CREB5: variants seen among roughly 807,000 people sequenced by gnomAD.
The protein encoded by CREB5 is cyclic AMP-responsive element-binding protein 5.
CREB5 carries 19 observed loss-of-function variants against 57.1 expected under a neutral mutation model. The ratio of observed to expected loss-of-function variants is 0.33; its 90% CI spans 0.23 to 0.49. CREB5 has a LOEUF of 0.49. Among genes scored for constraint, CREB5 ranks in the 20% least tolerant of loss-of-function variants. The pLI is 0.99. For missense variants in CREB5, 579 were observed against 671.6 expected (o/e 0.86, Z 1.52); for synonymous variants, 238 against 238.3 (o/e 1.00, Z 0.01).
chr7:28,673,750 G>T (rs1370095980), intron 5 of CREB5, among the ~76,000 whole-genome samples: 1 of 130,442 alleles, frequency 7.7e-6, no homozygotes, highest in Non-Finnish European at 1.5e-5. Flanking sequence ...TCAGCTCACT[G>T]CAACCTCCAC....
intron 5 of CREB5, among the ~76,000 whole-genome samples, chr7:28,648,269 G>A (rs936415719): frequency 6.6e-6 from 1 of 152,128 alleles, no homozygotes; most frequent in Non-Finnish European, 1.5e-5. Context: ...ACCAAAGTGT[G>A]TGATTTCTCT....
At chr7:28,569,364 C>T (rs1402029244) in intron 4 of CREB5, among the ~76,000 whole-genome samples, 2 of 152,138 alleles carry the variant, frequency 1.3e-5, no homozygotes, top group East Asian at 3.9e-4. Flanking sequence ...TCTTTCTCAC[C>T]TTTCGGTCCC....
chr7:28,790,306 C>G (rs908630434), intron 7 of CREB5, among the ~76,000 whole-genome samples: 1 of 152,112 alleles, frequency 6.6e-6, no homozygotes, highest in Admixed American at 6.6e-5. Context: ...GACAGTTGCC[C>G]TCCTTGGCAA....
chr7:28,560,931 T>TGCGC (rs1467935536), intron 4 of CREB5, among the ~76,000 whole-genome samples: 9,112 of 48,326 alleles, frequency 0.19, 2,098 homozygotes, highest in East Asian at 0.55. Flanking sequence ...TGCGCGTGCG[T>TGCGC]GTGTGCGTGC....
At chr7:28,517,662 GC>G (rs1251725259) in intron 4 of CREB5, among the ~76,000 whole-genome samples, 5 of 152,186 alleles carry the variant, frequency 3.3e-5, no homozygotes, top group Admixed American at 3.3e-4. Context: ...TGGTGAGGAG[GC>G]TAGGCTGTTT....
At chr7:28,784,681 C>A (rs986075511) in intron 7 of CREB5, among the ~76,000 whole-genome samples, 1 of 152,052 alleles carries the variant, frequency 6.6e-6, no homozygotes, top group African/African-American at 2.4e-5. Flanking sequence ...AGGAAAGGTT[C>A]GGATATGAGC....
rs1562797731 is a variant in CREB5 at position 28,560,909 on chromosome 7, C to CGTGCGTGTGTGTGT, written c.292-9453_292-9452insCGTGTGTGTGTGTG. On this transcript the variant is annotated intron_variant, in intron 4 of 10. Transcript: ENST00000357727. The stretch of plus-strand genomic sequence containing the variant: ...GTGCGTGTGTGTGCGTGCGCGCGTG[C>CGTGCGTGTGTGTGT]GTGTGCGTGTGTGCGCGTGCGTGTG... Among the ~76,000 whole-genome samples the CGTGCGTGTGTGTGT allele has an allele frequency of 2.8e-3, 93 of 32,634 alleles. 3 individuals carry two copies. The highest frequency in any genetic ancestry group is 0.012 in the African/African-American group (75 of 6,056). 21.4% of individuals were successfully genotyped at this position (32,634 alleles called of 152,430 possible).
intron 1 of CREB5, among the ~76,000 whole-genome samples, chr7:28,400,846 T>C (rs996039339): frequency 2.6e-5 from 4 of 152,224 alleles, no homozygotes; most frequent in African/African-American, 4.8e-5. Context: ...TTAATGATGA[T>C]ACAAAAAGAA....
intron 1 of CREB5, among the ~76,000 whole-genome samples, chr7:28,339,125 C>G (rs1210881036): frequency 6.6e-6 from 1 of 151,986 alleles, no homozygotes; most frequent in Non-Finnish European, 1.5e-5. Context: ...GTCCCTGGTG[C>G]CTTATTAAGT....
chr7:28,610,550 A>G (rs1184890163), intron 5 of CREB5, among the ~76,000 whole-genome samples: 1 of 152,214 alleles, frequency 6.6e-6, no homozygotes, highest in East Asian at 1.9e-4. Context: ...CAATGAAAAC[A>G]CAAGAACTGC....
At chr7:28,469,169 C>T (rs1023799900) in intron 1 of CREB5, among the ~76,000 whole-genome samples, 3 of 152,108 alleles carry the variant, frequency 2.0e-5, no homozygotes, top group African/African-American at 7.2e-5. Context: ...TGCAATGAGC[C>T]GTGATTGCAC....
At position 28,571,625 on chromosome 7, in the gene CREB5, G is replaced by A. The variant is rs1452520402; in HGVS notation, c.464+1088G>A. On this transcript the variant is annotated intron_variant, in intron 5 of 10. Transcript: ENST00000357727. ...TTCTGGGTATCCTGTGTTAGCTCTA[G>A]CCCCTCGCAATGTGCCAAGTGTGGT... Among the ~76,000 whole-genome samples, 5 of 152,264 alleles carry A rather than the reference G, an allele frequency of 3.3e-5. No individual in the cohort carries two copies. In the East Asian group the frequency reaches 9.7e-4, roughly 29 times the overall value.
chr7:28,435,170 C>A (rs1788902964), intron 1 of CREB5, among the ~76,000 whole-genome samples: 1 of 151,354 alleles, frequency 6.6e-6, no homozygotes, highest in South Asian at 2.1e-4. Flanking sequence ...TGCATGCCAC[C>A]TCAGTTTCCC....
chr7:28,464,493 TTGCGTGTGTGTG>T (rs1790475498), intron 1 of CREB5, among the ~76,000 whole-genome samples: 2 of 107,724 alleles, frequency 1.9e-5, no homozygotes, highest in African/African-American at 7.3e-5. Context: ...TTGTGGAAAG[TTGCGTGTGTGTG>T]TGTGTGTGTG....
At chr7:28,503,599 C>G (rs1159947570) in intron 3 of CREB5, among the ~76,000 whole-genome samples, 3 of 152,124 alleles carry the variant, frequency 2.0e-5, no homozygotes, top group Admixed American at 2.0e-4. Flanking sequence ...CTCTCTCAGA[C>G]TCCTGAACTC....
chr7:28,504,759 C>A (rs116519690), intron 3 of CREB5, among the ~76,000 whole-genome samples: 1 of 152,070 alleles, frequency 6.6e-6, no homozygotes, highest in Admixed American at 6.6e-5. Context: ...AGGGCAAGTG[C>A]GAGTAGGAAC....
chr7:28,815,884 A>T (rs923459977), intron 9 of CREB5, among the ~76,000 whole-genome samples: 2 of 152,196 alleles, frequency 1.3e-5, no homozygotes, highest in African/African-American at 4.8e-5. Context: ...GTGTGGATTC[A>T]CTAGAAATTA....
intron 7 of CREB5, among the ~76,000 whole-genome samples, chr7:28,786,603 C>T (rs1379642776): frequency 6.6e-6 from 1 of 152,116 alleles, no homozygotes; most frequent in African/African-American, 2.4e-5. Flanking sequence ...TCTTGAAATT[C>T]TTTATAGATA....
intron 5 of CREB5, among the ~76,000 whole-genome samples, chr7:28,652,708 T>G (rs1182557899): frequency 1.3e-5 from 2 of 152,228 alleles, no homozygotes; most frequent in Non-Finnish European, 2.9e-5. Context: ...AAACTGTTAT[T>G]ACATAACTAT....
Sources: gnomAD v4.1 joint callset for allele counts (sites outside exome capture counted in the v4.1 genomes callset) on GRCh38, gnomAD v4.1.1 for gene constraint, MANE v1.5 for transcripts, NCBI Gene and HGNC (gene_info 2026-07-23, HGNC 2026-07-21) for gene names.